Variants in ESRRG observed in about 807,000 individuals in gnomAD.
The protein encoded by ESRRG is estrogen related receptor gamma.
Under a neutral mutation model 44.0 loss-of-function variants are expected in ESRRG, and 13 were observed. That is an observed-to-expected ratio of 0.30 (90% CI 0.19 to 0.47). The LOEUF (loss-of-function observed/expected upper bound fraction) is 0.47, where lower values mean the gene tolerates loss of function less well. Ranked by LOEUF, ESRRG falls within the 20% of genes least tolerant of loss-of-function variation. The pLI is 1.00. For synonymous variants in ESRRG, 215 were observed against 214.6 expected (o/e 1.00, Z -0.02); for missense variants, 395 against 580.6 (o/e 0.68, Z 3.29).
intron 2 of ESRRG, among the ~76,000 whole-genome samples, chr1:216,883,325 C>T (rs982945519): frequency 7.4e-6 from 1 of 134,486 alleles, no homozygotes; most frequent in Non-Finnish European, 1.5e-5. Context: ...GCGGAGGTTG[C>T]AGTGAGCCGA....
intron 2 of ESRRG, among the ~76,000 whole-genome samples, chr1:216,916,301 T>G (rs1250518833): frequency 6.6e-6 from 1 of 152,226 alleles, no homozygotes; most frequent in Non-Finnish European, 1.5e-5. Context: ...TTCAAATCTT[T>G]TGATCACCAT....
chr1:216,612,840 T>C (rs967492051), intron 3 of ESRRG, among the ~76,000 whole-genome samples: 4 of 152,204 alleles, frequency 2.6e-5, no homozygotes, highest in African/African-American at 7.2e-5. Context: ...CACCTTTATG[T>C]TTCCTATGCA....
At chr1:217,052,538 G>T (rs2086251572) in intron 1 of ESRRG, among the ~76,000 whole-genome samples, 1 of 152,130 alleles carries the variant, frequency 6.6e-6, no homozygotes, top group East Asian at 1.9e-4. Context: ...TTTCTAAAAG[G>T]ATCTAAGAGA....
chr1:216,733,263 T>TG (rs1553552545), intron 2 of ESRRG, among the ~76,000 whole-genome samples: 4 of 151,552 alleles, frequency 2.6e-5, no homozygotes, highest in African/African-American at 9.7e-5. Flanking sequence ...TTTTTTTTTT[T>TG]GTCACACTAC....
chr1:217,051,619 G>C (rs978456517), intron 1 of ESRRG, among the ~76,000 whole-genome samples: 1 of 152,166 alleles, frequency 6.6e-6, no homozygotes, highest in Admixed American at 6.5e-5. Flanking sequence ...GTATTAAGAG[G>C]TGAGAGAGAA....
chr1:216,879,484 C>CAAAAAAAAAAAAAAAAAAAAA (rs755104959), intron 2 of ESRRG, among the ~76,000 whole-genome samples: 1 of 89,442 alleles, frequency 1.1e-5, no homozygotes, highest in African/African-American at 3.9e-5. Context: ...AAAAGGCCAC[C>CAAAAAAAAAAAAAAAAAAAAA]AAAAAAAAAA....
chr1:216,575,519 C>T (rs1214527147), intron 3 of ESRRG, among the ~76,000 whole-genome samples: 2 of 152,058 alleles, frequency 1.3e-5, no homozygotes, highest in African/African-American at 4.8e-5. Flanking sequence ...TTATTGAGAA[C>T]TTATCATGTG....
intron 2 of ESRRG, among the ~76,000 whole-genome samples, chr1:216,865,621 G>A (rs1054269781): frequency 6.6e-6 from 1 of 152,086 alleles, no homozygotes; most frequent in Non-Finnish European, 1.5e-5. Context: ...TGGAACACTT[G>A]TTTAGCACTT....
At chr1:216,556,838 T>A (rs1047950766) in intron 5 of ESRRG, among the ~76,000 whole-genome samples, 1 of 152,088 alleles carries the variant, frequency 6.6e-6, no homozygotes, top group Admixed American at 6.6e-5. Flanking sequence ...CATGTGTGTA[T>A]CATTAGCGCA....
chr1:216,904,252 A>G (rs1256563797), intron 2 of ESRRG, among the ~76,000 whole-genome samples: 1 of 151,810 alleles, frequency 6.6e-6, no homozygotes, highest in Non-Finnish European at 1.5e-5. Flanking sequence ...TAATTCTCTA[A>G]ACAAGATAAA....
intron 2 of ESRRG, among the ~76,000 whole-genome samples, chr1:216,809,103 C>A (rs1161549054): frequency 6.6e-6 from 1 of 152,160 alleles, no homozygotes; most frequent in South Asian, 2.1e-4. Flanking sequence ...CTCATAGCAA[C>A]CCTGCAAGGT....
chr1:217,021,916 G>C (rs546892466), intron 1 of ESRRG, among the ~76,000 whole-genome samples: 2 of 152,124 alleles, frequency 1.3e-5, no homozygotes, highest in South Asian at 4.1e-4. Context: ...CTATGGGCTC[G>C]CTTTCCAGCT....
chr1:216,738,720 A>ACTT (rs2090291537), intron 2 of ESRRG, among the ~76,000 whole-genome samples: 1 of 152,360 alleles, frequency 6.6e-6, no homozygotes, highest in East Asian at 1.9e-4. Flanking sequence ...AGCAGCGTGC[A>ACTT]CTTATAAACA....
At chr1:217,137,178 T>C (rs913808891) in intron 1 of ESRRG, among the ~76,000 whole-genome samples, 1 of 152,148 alleles carries the variant, frequency 6.6e-6, no homozygotes, top group African/African-American at 2.4e-5. Flanking sequence ...CCTCTACTAG[T>C]ACCCCAAAGG....
At position 216,732,284 on chromosome 1, in the gene ESRRG, A is replaced by T. The variant is rs558309242; in HGVS notation, c.-13-54793T>A. Among the ~76,000 whole-genome samples, 190 of 152,106 alleles carry T rather than the reference A, an allele frequency of 1.2e-3. 1 individual carries two copies. The highest frequency in any genetic ancestry group is 2.0e-3 in the Non-Finnish European group (135 of 68,028). On this transcript the variant is annotated intron_variant, in intron 2 of 7. Transcript: ENST00000359162. ...GAAACTTCATTATTATTATATTATC[A>T]TCCCCATTTTATAGATGACACTGAG...
intron 2 of ESRRG, among the ~76,000 whole-genome samples, chr1:216,887,881 C>T (rs1214058355): frequency 6.6e-6 from 1 of 152,144 alleles, no homozygotes; most frequent in Non-Finnish European, 1.5e-5. Flanking sequence ...TGTTAGTTTT[C>T]AGTCTCCTGG....
intron 1 of ESRRG, among the ~76,000 whole-genome samples, chr1:216,974,814 A>T (rs1275802691): frequency 6.7e-6 from 1 of 150,096 alleles, no homozygotes; most frequent in African/African-American, 2.4e-5. Context: ...CTTTTCTCTC[A>T]TTCTCTCTCT....
chr1:216,650,031 T>A (rs1441713239), intron 3 of ESRRG, among the ~76,000 whole-genome samples: 2 of 152,122 alleles, frequency 1.3e-5, no homozygotes, highest in Non-Finnish European at 2.9e-5. Flanking sequence ...GCAACAGAAG[T>A]TACACATTTA....
At position 216,768,394 on chromosome 1, in the gene ESRRG, T is replaced by C. The variant is rs566814644; in HGVS notation, c.-13-90903A>G. Among the ~76,000 whole-genome samples, 13 of 152,270 alleles carry C rather than the reference T, an allele frequency of 8.5e-5. No individual in the cohort carries two copies. The South Asian group carries it at 2.7e-3, about 32-fold the overall frequency. ...AGAAAGGATAAATCATCTTTATTCATTGACTGCATATAATTATCCTGTGAG... is the reference window on the plus strand; with the variant it reads ...AGAAAGGATAAATCATCTTTATTCACTGACTGCATATAATTATCCTGTGAG... On this transcript the variant is annotated intron_variant, in intron 2 of 7. Transcript: ENST00000359162.
Sources: gnomAD v4.1 joint callset for allele counts (sites outside exome capture counted in the v4.1 genomes callset) on GRCh38, gnomAD v4.1.1 for gene constraint, MANE v1.5 for transcripts, NCBI Gene and HGNC (gene_info 2026-07-23, HGNC 2026-07-21) for gene names.